The following CCSER1 variants were observed in gnomAD, a reference collection of about 807,000 sequenced individuals.
The protein encoded by CCSER1 is serine-rich coiled-coil domain-containing protein 1.
A neutral mutation model predicts 82.0 loss-of-function variants in CCSER1; 41 were observed. The observed-to-expected ratio is 0.50, with a 90% confidence interval of 0.39 to 0.65. The LOEUF is 0.65. CCSER1 is among the 30% of genes least tolerant of loss of function. CCSER1 has a pLI of 0.00. For missense variants in CCSER1, 1,119 were observed against 1,064.2 expected (o/e 1.05, Z -0.72); for synonymous variants, 414 against 383.9 (o/e 1.08, Z -0.92).
At position 91,600,900 on chromosome 4, in the gene CCSER1, T is replaced by C. The variant is rs1764793184; in HGVS notation, c.*1843T>C. ...AGATTGCCATCTAAAGTTCCCACCA[T>C]ACTTTGGAAGCTATAATGATCATGC... On this transcript the variant is annotated 3_prime_UTR_variant, in exon 11 of 11. Transcript: ENST00000509176. 1.3e-5 allele frequency: 2 copies of C among 152,138 alleles called. No homozygotes were observed. The highest frequency in any genetic ancestry group is 4.1e-4 in the South Asian group (2 of 4,834). The allele number at this position is 152,138 out of a possible 1,614,324, so 9.4% of individuals were successfully genotyped here.
chr4:90,290,502 T>C (rs893876930), intron 1 of CCSER1, among the ~76,000 whole-genome samples: 44 of 151,952 alleles, frequency 2.9e-4, no homozygotes, highest in African/African-American at 9.7e-4. Flanking sequence ...TCTGTTTCTT[T>C]CTTTGAATAT....
At chr4:90,336,600 G>T (rs1246266384) in intron 3 of CCSER1, among the ~76,000 whole-genome samples, 2 of 152,140 alleles carry the variant, frequency 1.3e-5, no homozygotes, top group African/African-American at 4.8e-5. Flanking sequence ...TTATCATTAT[G>T]TGAGAAGAAC....
At chr4:90,925,522 T>C (rs916076440) in intron 9 of CCSER1, among the ~76,000 whole-genome samples, 1 of 152,164 alleles carries the variant, frequency 6.6e-6, no homozygotes, top group Non-Finnish European at 1.5e-5. Context: ...CTTGTGAGAA[T>C]TGGTTACTGA....
chr4:91,311,140 T>A (rs1745445809), intron 10 of CCSER1, among the ~76,000 whole-genome samples: 1 of 152,000 alleles, frequency 6.6e-6, no homozygotes, highest in Non-Finnish European at 1.5e-5. Context: ...ATAGGGTTCA[T>A]CTGACATATG....
intron 7 of CCSER1, among the ~76,000 whole-genome samples, chr4:90,733,583 A>G (rs1745128692): frequency 6.6e-6 from 1 of 152,142 alleles, no homozygotes; most frequent in Non-Finnish European, 1.5e-5. Flanking sequence ...GTTTAGGGAT[A>G]TTAAGAAATC....
chr4:91,257,599 A>G (rs887661497), intron 10 of CCSER1, among the ~76,000 whole-genome samples: 9 of 152,090 alleles, frequency 5.9e-5, no homozygotes, highest in Admixed American at 1.3e-4. Flanking sequence ...TAAACAAAGG[A>G]ACAAAAATTT....
intron 10 of CCSER1, among the ~76,000 whole-genome samples, chr4:91,181,192 C>T (rs1206347322): frequency 6.6e-6 from 1 of 152,186 alleles, no homozygotes; most frequent in African/African-American, 2.4e-5. Flanking sequence ...CCTGCTCCCA[C>T]CATGTCCCCC....
At chr4:90,622,942 T>C (rs1240548562) in intron 5 of CCSER1, among the ~76,000 whole-genome samples, 1 of 152,124 alleles carries the variant, frequency 6.6e-6, no homozygotes, top group Admixed American at 6.6e-5. Context: ...TTTCCTGACT[T>C]TTTAATGATC....
At chr4:91,116,680 T>C (rs1726640299) in intron 10 of CCSER1, among the ~76,000 whole-genome samples, 1 of 152,182 alleles carries the variant, frequency 6.6e-6, no homozygotes, top group African/African-American at 2.4e-5. Flanking sequence ...CTGCTGTTTT[T>C]GTTGTTAAAG....
chr4:90,309,247 T>C lies in CCSER1; in HGVS notation c.963T>C (p.Pro321=). The C allele has an allele frequency of 6.2e-7, 1 of 1,613,910 alleles. No individual in the cohort carries two copies. Among genetic ancestry groups the C allele is most frequent in the Non-Finnish European group, 8.5e-7 (1 of 1,179,846 alleles). The part of the protein sequence containing the change: ...TGTVPCAIMS[P]GKYRLEGQCS... The stretch of plus-strand genomic sequence containing the variant: ...CTGTTCCCTGTGCAATTATGTCTCC[T>C]GGGAAATATAGGTTAGAGGGTCAAT... The change falls in exon 2 of 11, where the codon CCT becomes CCC. Residue 321 remains proline (P), a synonymous_variant. Coordinates refer to ENST00000509176, the MANE Select transcript of CCSER1 (RefSeq NM_001145065.2).
chr4:90,746,223 A>G (rs1747440482), intron 7 of CCSER1, among the ~76,000 whole-genome samples: 1 of 152,208 alleles, frequency 6.6e-6, no homozygotes, highest in Non-Finnish European at 1.5e-5. Context: ...TATATTTTAT[A>G]TTCTTTATAT....
intron 10 of CCSER1, among the ~76,000 whole-genome samples, chr4:91,577,931 G>A (rs1763527893): frequency 6.6e-6 from 1 of 151,688 alleles, no homozygotes; most frequent in Non-Finnish European, 1.5e-5. Flanking sequence ...AAAAAAAAAA[G>A]TTCTTGGACA....
chr4:91,564,849 T>A (rs1015935931), intron 10 of CCSER1, among the ~76,000 whole-genome samples: 35 of 152,136 alleles, frequency 2.3e-4, no homozygotes, highest in Non-Finnish European at 3.1e-4. Flanking sequence ...CTGCTGATAG[T>A]TTTGTTTGCT....
chr4:91,114,866 A>G (rs1398937998), intron 10 of CCSER1, among the ~76,000 whole-genome samples: 1 of 152,212 alleles, frequency 6.6e-6, no homozygotes, highest in Non-Finnish European at 1.5e-5. Flanking sequence ...AAAATTGTAC[A>G]CTTATATACA....
At chr4:91,295,981 A>T (rs945035051) in intron 10 of CCSER1, among the ~76,000 whole-genome samples, 4 of 151,970 alleles carry the variant, frequency 2.6e-5, no homozygotes, top group Non-Finnish European at 5.9e-5. Flanking sequence ...TGCCTTCTAT[A>T]AGTATAGCGG....
At chr4:90,325,702 T>A in intron 3 of CCSER1, 1 of 431,754 alleles carries the variant, frequency 2.3e-6, no homozygotes, top group Non-Finnish European at 4.7e-6. Flanking sequence ...GTCACTGGAA[T>A]CTGAGGTTTG....
At chr4:91,572,050 G>C (rs62309641) in intron 10 of CCSER1, among the ~76,000 whole-genome samples, 1 of 152,124 alleles carries the variant, frequency 6.6e-6, no homozygotes, top group East Asian at 1.9e-4. Context: ...CTCTGTTCAG[G>C]GAGTTGCCAA....
chr4:90,293,005 C>T (rs1211782150), intron 1 of CCSER1, among the ~76,000 whole-genome samples: 1 of 151,682 alleles, frequency 6.6e-6, no homozygotes, highest in Non-Finnish European at 1.5e-5. Context: ...ATAGTTTTTT[C>T]ATTTTCTTCT....
intron 1 of CCSER1, among the ~76,000 whole-genome samples, chr4:90,142,644 T>C (rs1238963118): frequency 2.0e-5 from 3 of 151,514 alleles, no homozygotes; most frequent in African/African-American, 4.9e-5. Flanking sequence ...TTTTTTGGTA[T>C]GAGTAAGCCA....
Sources: gnomAD v4.1 joint callset for allele counts (sites outside exome capture counted in the v4.1 genomes callset) on GRCh38, gnomAD v4.1.1 for gene constraint, MANE v1.5 for transcripts, NCBI Gene and HGNC (gene_info 2026-07-23, HGNC 2026-07-21) for gene names.